Variants in ZCCHC7 observed in about 807,000 individuals in gnomAD.
ZCCHC7 encodes zinc finger CCHC domain-containing protein 7.
Under a neutral mutation model 52.0 loss-of-function variants are expected in ZCCHC7, and 35 were observed. The ratio of observed to expected loss-of-function variants is 0.67; its 90% CI spans 0.51 to 0.89. The LOEUF (loss-of-function observed/expected upper bound fraction) is 0.89, where lower values mean the gene tolerates loss of function less well. Ranked by LOEUF, ZCCHC7 falls within the 40% of genes least tolerant of loss-of-function variation. The probability of loss-of-function intolerance (pLI) is 0.00; values close to 1 mark genes in which losing one functional copy is unlikely to be tolerated. For missense variants in ZCCHC7, 574 were observed against 649.1 expected, an observed-to-expected ratio of 0.88 and a Z score of 1.26; for synonymous variants, 217 against 221.5, an observed-to-expected ratio of 0.98 and a Z score of 0.18.
At chr9:37,221,479 A>G (rs1426265585) in intron 2 of ZCCHC7, among the ~76,000 whole-genome samples, 4 of 151,938 alleles carry the variant, frequency 2.6e-5, no homozygotes. Context: ...ATAGCAAAGA[A>G]TATTTAAGGC....
chr9:37,221,279 G>A (rs2133261780), intron 2 of ZCCHC7, among the ~76,000 whole-genome samples: 1 of 152,314 alleles, frequency 6.6e-6, no homozygotes, highest in African/African-American at 2.4e-5. Context: ...AACGATTATA[G>A]TATTAGAGAT....
intron 2 of ZCCHC7, among the ~76,000 whole-genome samples, chr9:37,182,608 C>T (rs572540953): frequency 1.3e-5 from 2 of 152,174 alleles, no homozygotes; most frequent in East Asian, 1.9e-4. Context: ...TTAAGTGATC[C>T]GTCCACCTCA....
intron 2 of ZCCHC7, among the ~76,000 whole-genome samples, chr9:37,232,451 G>A (rs1467619434): frequency 1.3e-5 from 2 of 152,166 alleles, no homozygotes; most frequent in Non-Finnish European, 2.9e-5. Flanking sequence ...TGGGTGTGTG[G>A]GAGAGACATA....
rs532224879 is a variant in ZCCHC7, at chr9:37,261,993, A to G, written c.611-40195A>G. 2.6e-5 allele frequency among the ~76,000 whole-genome samples: 4 copies of G among 152,270 alleles called. No homozygotes were observed. The South Asian group carries it at 8.3e-4, about 32-fold the overall frequency. On this transcript the variant is annotated intron_variant, in intron 2 of 8. Transcript: ENST00000336755. ...CTCATTGCGTGAAAGATTTCAGCCT[A>G]TAAGGAAGAAATTATGTCAGTCTAG...
intron 2 of ZCCHC7, among the ~76,000 whole-genome samples, chr9:37,147,043 G>A (rs1275794548): frequency 6.6e-6 from 1 of 151,870 alleles, no homozygotes; most frequent in Non-Finnish European, 1.5e-5. Flanking sequence ...AAGTATAGGT[G>A]AAGACCAGGC....
At chr9:37,291,062 T>C (rs1253318074) in intron 2 of ZCCHC7, among the ~76,000 whole-genome samples, 2 of 152,232 alleles carry the variant, frequency 1.3e-5, no homozygotes, top group Non-Finnish European at 2.9e-5. Flanking sequence ...GAATGTGCAG[T>C]AGAAGTCTGG....
intron 2 of ZCCHC7, among the ~76,000 whole-genome samples, chr9:37,225,499 C>T (rs1564189993): frequency 6.6e-6 from 1 of 152,020 alleles, no homozygotes; most frequent in East Asian, 1.9e-4. Flanking sequence ...CAGAAAGCTA[C>T]AGATCTAGAT....
chr9:37,247,330 T>G (rs1195852345), intron 2 of ZCCHC7, among the ~76,000 whole-genome samples: 1 of 152,062 alleles, frequency 6.6e-6, no homozygotes, highest in Non-Finnish European at 1.5e-5. Flanking sequence ...CACTGTTGAG[T>G]GACAAAATAA....
At chr9:37,356,755 G>A (rs1437116196) in intron 8 of ZCCHC7, 80 bp from the exon 9 acceptor site, 1 of 1,320,314 alleles carries the variant, frequency 7.6e-7, no homozygotes, top group African/African-American at 1.5e-5. Context: ...TTCCCTGTCT[G>A]TTAAGTTATT....
intron 2 of ZCCHC7, among the ~76,000 whole-genome samples, chr9:37,264,530 G>A (rs1827011958): frequency 6.6e-6 from 1 of 151,920 alleles, no homozygotes; most frequent in Non-Finnish European, 1.5e-5. Context: ...TGTGTATTGT[G>A]AACACACCAC....
intron 2 of ZCCHC7, among the ~76,000 whole-genome samples, chr9:37,254,391 T>C (rs2133410463): frequency 1.3e-5 from 2 of 152,138 alleles, no homozygotes; most frequent in East Asian, 3.9e-4. Context: ...TTTTAAATGC[T>C]GTTAACCCTT....
chr9:37,297,110 A>G (rs1284662517), intron 2 of ZCCHC7, among the ~76,000 whole-genome samples: 1 of 152,206 alleles, frequency 6.6e-6, no homozygotes, highest in Non-Finnish European at 1.5e-5. Flanking sequence ...TTAATTTGTT[A>G]TAGGCAGAAT....
intron 2 of ZCCHC7, among the ~76,000 whole-genome samples, chr9:37,264,705 G>A (rs1253500692): frequency 6.6e-6 from 1 of 152,206 alleles, no homozygotes; most frequent in East Asian, 1.9e-4. Flanking sequence ...CCTAAGTACA[G>A]AGCTAGCACC....
At chr9:37,346,910 C>T (rs1009828877) in intron 6 of ZCCHC7, among the ~76,000 whole-genome samples, 2 of 152,056 alleles carry the variant, frequency 1.3e-5, no homozygotes, top group African/African-American at 2.4e-5. Flanking sequence ...CTGGGAGGAT[C>T]GCCTGAGCCT....
intron 2 of ZCCHC7, among the ~76,000 whole-genome samples, chr9:37,281,119 G>T (rs1049524707): frequency 6.6e-6 from 1 of 152,008 alleles, no homozygotes. Flanking sequence ...AGTTCCTAAG[G>T]TCCCTCCTGC....
intron 1 of ZCCHC7, among the ~76,000 whole-genome samples, chr9:37,121,947 G>T (rs901193447): frequency 6.6e-6 from 1 of 152,160 alleles, no homozygotes; most frequent in Non-Finnish European, 1.5e-5. Flanking sequence ...TAACCCTTTA[G>T]ACAATTGTGT....
chr9:37,297,056 A>G (rs942348099), intron 2 of ZCCHC7, among the ~76,000 whole-genome samples: 4 of 152,346 alleles, frequency 2.6e-5, no homozygotes, highest in African/African-American at 9.6e-5. Context: ...TTTAGAAGCT[A>G]TCTTACATAT....
intron 2 of ZCCHC7, among the ~76,000 whole-genome samples, chr9:37,289,712 CAGAGTA>C (rs1489360795): frequency 3.9e-5 from 6 of 152,138 alleles, no homozygotes; most frequent in African/African-American, 1.2e-4. Flanking sequence ...TTGTTTCACT[CAGAGTA>C]AAAGTCAAAA....
At chr9:37,202,079 A>G (rs190748822) in intron 2 of ZCCHC7, among the ~76,000 whole-genome samples, 2 of 152,378 alleles carry the variant, frequency 1.3e-5, no homozygotes, top group African/African-American at 4.8e-5. Context: ...TAAGCAACTC[A>G]GAATGTCTCT....
Sources: gnomAD v4.1 joint callset for allele counts (sites outside exome capture counted in the v4.1 genomes callset) on GRCh38, gnomAD v4.1.1 for gene constraint, MANE v1.5 for transcripts, NCBI Gene and HGNC (gene_info 2026-07-23, HGNC 2026-07-21) for gene names.